The following UBP1 variants were observed in gnomAD, a reference collection of about 807,000 sequenced individuals.
The protein encoded by UBP1 is upstream-binding protein 1.
A neutral mutation model predicts 76.1 loss-of-function variants in UBP1; 22 were observed. The observed-to-expected ratio is 0.29, with a 90% confidence interval of 0.21 to 0.41. The LOEUF (loss-of-function observed/expected upper bound fraction) is 0.41. Among genes scored for constraint, UBP1 ranks in the 10% least tolerant of loss-of-function variants. The pLI, the probability that UBP1 is intolerant of heterozygous loss-of-function variation, is 1.00. For missense variants in UBP1, 436 were observed against 668.1 expected (o/e 0.65, Z 3.83); for synonymous variants, 224 against 237.1 (o/e 0.94, Z 0.51).
intron 1 of UBP1, among the ~76,000 whole-genome samples, chr3:33,438,144 T>C (rs370859350): frequency 4.6e-5 from 7 of 152,350 alleles, no homozygotes; most frequent in African/African-American, 1.4e-4. Context: ...TACTTCCTTT[T>C]CATGGAAATA....
intron 3 of UBP1, among the ~76,000 whole-genome samples, chr3:33,413,624 G>C (rs2044652828): frequency 6.6e-6 from 1 of 150,834 alleles, no homozygotes; most frequent in Non-Finnish European, 1.5e-5. Context: ...ACTGCCCGCT[G>C]CCTTGAAAAA....
Position 33,409,517 on chromosome 3 carries a change from T to G in UBP1, c.640A>C (p.Lys214Gln). ...GTGTATTCTCCATTTTCATTCTGCTTAAAGGTGTCAACCTGGATCCTAAAG... is the reference window on the plus strand; with the variant it reads ...GTGTATTCTCCATTTTCATTCTGCTGAAAGGTGTCAACCTGGATCCTAAAG... ...VPFRIQVDTF[K>Q]QNENGEYTDH... is the part of the protein sequence containing the mutation. Residue 214 changes from lysine (K) to glutamine (Q), a missense_variant, in exon 6 of 16, where the codon AAG becomes CAG. Physicochemically the swap from Lys to Gln is moderately conservative, Grantham distance 53. Around this residue, in one of 3 missense-constraint regions of UBP1, gnomAD observed 65 missense variants for 157.4 expected, o/e 0.41. Transcript: ENST00000283629. 4 of 1,614,210 alleles carry G rather than the reference T, an allele frequency of 2.5e-6. No homozygotes were observed. Among genetic ancestry groups the G allele is most frequent in the Non-Finnish European group, 2.5e-6 (3 of 1,180,042 alleles).
intron 8 of UBP1, among the ~76,000 whole-genome samples, chr3:33,408,473 G>A (rs1443917136): frequency 6.6e-6 from 1 of 152,024 alleles, no homozygotes; most frequent in Non-Finnish European, 1.5e-5. Flanking sequence ...CACCCAATAT[G>A]GTCAACATTG....
At chr3:33,412,480 G>T (rs796755169) in intron 4 of UBP1, among the ~76,000 whole-genome samples, 20 of 151,938 alleles carry the variant, frequency 1.3e-4, no homozygotes, top group African/African-American at 4.8e-4. Context: ...CTACTTGGGA[G>T]GCTAAGGCAG....
chr3:33,396,517 C>T, intron 12 of UBP1: 5 of 494,856 alleles, frequency 1.0e-5, no homozygotes, highest in African/African-American at 1.9e-5. Flanking sequence ...CTGTCAGATG[C>T]TGGTAAATTT....
At position 33,388,727 on chromosome 3, in the gene UBP1, C is replaced by G. The variant is rs1223112827; in HGVS notation, c.*1604G>C. ...GGAAAAAGTCAGAAAGGAAAACTCT[C>G]TGCCTATAGGATCTATAGGAGTTAC... On this transcript the variant is annotated 3_prime_UTR_variant, in exon 16 of 16. Coordinates refer to ENST00000283629, the MANE Select transcript of UBP1 (RefSeq NM_014517.5). The G allele has an allele frequency of 6.6e-6, 1 of 152,204 alleles. No individual in the cohort carries two copies. The highest frequency in any genetic ancestry group is 2.1e-4 in the South Asian group (1 of 4,836). The allele number at this position is 152,204 out of a possible 1,614,324, so 9.4% of individuals were successfully genotyped here.
At chr3:33,430,123 T>C (rs1346695220) in intron 1 of UBP1, among the ~76,000 whole-genome samples, 1 of 152,224 alleles carries the variant, frequency 6.6e-6, no homozygotes, top group Non-Finnish European at 1.5e-5. Flanking sequence ...AGAACACATA[T>C]ATTCTTGAAA....
At chr3:33,423,756 A>G (rs2044959186) in intron 2 of UBP1, among the ~76,000 whole-genome samples, 1 of 152,246 alleles carries the variant, frequency 6.6e-6, no homozygotes, top group East Asian at 1.9e-4. Flanking sequence ...TAATCTATAA[A>G]TGAATAAATC....
intron 14 of UBP1, chr3:33,392,874 G>A: frequency 2.5e-6 from 1 of 402,386 alleles, no homozygotes; most frequent in Non-Finnish European, 4.4e-6. Flanking sequence ...GCCGGCTCCA[G>A]TGGATGATGA....
intron 8 of UBP1, chr3:33,403,567 T>A (rs2044320726): frequency 6.7e-6 from 1 of 148,802 alleles, no homozygotes; most frequent in Non-Finnish European, 1.5e-5. Flanking sequence ...TCTGTCTGTC[T>A]GTCTGTCTGT....
chr3:33,394,012 T>C (rs1232737530), intron 13 of UBP1, among the ~76,000 whole-genome samples: 2 of 150,938 alleles, frequency 1.3e-5, no homozygotes, highest in African/African-American at 4.9e-5. Flanking sequence ...AAAAGAGTCA[T>C]AGTTCTTTTT....
intron 1 of UBP1, among the ~76,000 whole-genome samples, chr3:33,427,330 C>T (rs2045035452): frequency 1.3e-5 from 2 of 152,190 alleles, no homozygotes; most frequent in Non-Finnish European, 1.5e-5. Context: ...TTTACATTTC[C>T]CCTATTAATG....
At position 33,409,471 on chromosome 3, in the gene UBP1, C is replaced by T; in HGVS notation, c.686G>A (p.Ser229Asn). The T allele has an allele frequency of 6.2e-7, 1 of 1,614,166 alleles. No individual in the cohort carries two copies. The highest frequency in any genetic ancestry group is 8.5e-7 in the Non-Finnish European group (1 of 1,180,018). ...GEYTDHLHSA[S>N]CQIKVFKPKG... ...TACCTTAAAAACTTTGATTTGGCAGCTAGCTGAGTGTAGATGATCTGTGTA... is the reference window on the plus strand; with the variant it reads ...TACCTTAAAAACTTTGATTTGGCAGTTAGCTGAGTGTAGATGATCTGTGTA... The change falls in exon 6 of 16, where the codon AGC (serine) becomes AAC (asparagine). Residue 229 changes from serine to asparagine, a missense_variant. Coordinates refer to ENST00000283629, the MANE Select transcript of UBP1 (RefSeq NM_014517.5).
At chr3:33,413,562 A>C (rs949138337) in intron 3 of UBP1, among the ~76,000 whole-genome samples, 68 of 151,874 alleles carry the variant, frequency 4.5e-4, no homozygotes, top group African/African-American at 1.5e-3. Flanking sequence ...AAAAAAAAAA[A>C]AAACTTTGAG....
chr3:33,433,588 G>A (rs1315420298), intron 1 of UBP1, among the ~76,000 whole-genome samples: 1 of 151,808 alleles, frequency 6.6e-6, no homozygotes, highest in Admixed American at 6.6e-5. Context: ...GGGAGGTGGA[G>A]GTTGCGGTGA....
At chr3:33,412,202 A>T (rs2154057516) in intron 4 of UBP1, among the ~76,000 whole-genome samples, 1 of 151,858 alleles carries the variant, frequency 6.6e-6, no homozygotes, top group South Asian at 2.1e-4. Flanking sequence ...AAAAAAAAAA[A>T]AAAAGATAGA....
intron 3 of UBP1, 90 bp downstream of exon 3, chr3:33,416,668 C>T (rs2044736625): frequency 6.9e-6 from 7 of 1,019,530 alleles, no homozygotes; most frequent in East Asian, 2.7e-5. Flanking sequence ...TGTAATACAA[C>T]AATTATTGAA....
intron 8 of UBP1, among the ~76,000 whole-genome samples, chr3:33,407,410 C>T (rs1014306288): frequency 1.3e-4 from 20 of 151,982 alleles, no homozygotes; most frequent in African/African-American, 4.8e-4. Flanking sequence ...GCCAGAATCC[C>T]CCCCAAAGAA....
Position 33,389,279 on chromosome 3 carries a change from G to C in UBP1, c.*1052C>G, listed in dbSNP as rs1466221381. ...AAGCTCAATATTTGAGAGGCTTAAG[G>C]GATTTGTATGGTACATTTTAGTGTT... On this transcript the variant is annotated 3_prime_UTR_variant, in exon 16 of 16. Transcript: ENST00000283629. The C allele has an allele frequency of 6.6e-6, 1 of 152,526 alleles. No individual in the cohort carries two copies. Among genetic ancestry groups the C allele is most frequent in the Non-Finnish European group, 1.5e-5 (1 of 68,018 alleles). The allele number at this position is 152,526 out of a possible 1,614,324, so 9.4% of individuals were successfully genotyped here. A position where few individuals can be genotyped will look rare whatever the true frequency, so the allele number is the denominator to read the frequency against.
Sources: gnomAD v4.1 joint callset for allele counts (sites outside exome capture counted in the v4.1 genomes callset) on GRCh38, gnomAD v4.1.1 for gene constraint, gnomAD v4.1.1 regional missense constraint, MANE v1.5 for transcripts, NCBI Gene and HGNC (gene_info 2026-07-23, HGNC 2026-07-21) for gene names.